KMT5A: variants seen among roughly 807,000 people sequenced by gnomAD.
The protein encoded by KMT5A is N-lysine methyltransferase KMT5A.
In KMT5A, 6 loss-of-function variants were observed where a neutral mutation model predicts 40.6. The ratio of observed to expected loss-of-function variants is 0.15; its 90% CI spans 0.08 to 0.29. The LOEUF (loss-of-function observed/expected upper bound fraction) is 0.29, where lower values mean the gene tolerates loss of function less well. KMT5A is among the 10% of genes least tolerant of loss of function. KMT5A has a pLI of 1.00. For synonymous variants in KMT5A, 153 were observed against 178.8 expected, an observed-to-expected ratio of 0.86 and a Z score of 1.15; for missense variants, 308 against 459.1, an observed-to-expected ratio of 0.67 and a Z score of 3.01.
Position 123,384,236 on chromosome 12 carries a change from G to A in KMT5A, c.10+28G>A, listed in dbSNP as rs1404598972. 1.2e-6 allele frequency: 2 copies of A among 1,612,406 alleles called. No individual in the cohort carries two copies. Among genetic ancestry groups the A allele is most frequent in the South Asian group, 1.1e-5 (1 of 90,944 alleles). On this transcript the variant is annotated intron_variant, in intron 1 of 7. Coordinates refer to ENST00000402868, the MANE Select transcript of KMT5A (RefSeq NM_020382.7). The surrounding 1 kb of genome is among the most constrained non-coding windows in gnomAD (Gnocchi z 5.7). ...ATTTGCCCAAGTGGCCGGCACCGGA[G>A]CGGCTGGGTCGGGGGTCGTGCTGGA...
intron 5 of KMT5A, among the ~76,000 whole-genome samples, chr12:123,397,860 A>T (rs1242457190): frequency 2.0e-5 from 3 of 149,700 alleles, no homozygotes; most frequent in Non-Finnish European, 4.4e-5. Context: ...TTTAGTGGAG[A>T]TTGGATTTGT....
At chr12:123,390,057 G>T in intron 2 of KMT5A, 1 of 468,376 alleles carries the variant, frequency 2.1e-6, no homozygotes. Context: ...TGCGCTGGCT[G>T]TGGCTCCTGC....
chr12:123,386,065 A>C (rs1876855740), intron 1 of KMT5A, among the ~76,000 whole-genome samples: 1 of 152,094 alleles, frequency 6.6e-6, no homozygotes, highest in East Asian at 1.9e-4. Flanking sequence ...AATGTTTGTC[A>C]GCTCCTCCCA....
chr12:123,407,725 C>T lies in KMT5A; in HGVS notation c.*22C>T. 12 of 1,589,302 alleles carry T rather than the reference C, an allele frequency of 7.6e-6. No individual in the cohort carries two copies. Among genetic ancestry groups the T allele is most frequent in the Non-Finnish European group, 1.0e-5 (12 of 1,164,690 alleles). ...TTAACCGGTGGGCCCCGTGCCCTCC[C>T]CGCCCCACTTTCCCTTCTTCAAAGG... On this transcript the variant is annotated 3_prime_UTR_variant, in exon 8 of 8. Coordinates refer to ENST00000402868, the MANE Select transcript of KMT5A (RefSeq NM_020382.7).
intron 1 of KMT5A, among the ~76,000 whole-genome samples, chr12:123,387,485 G>T (rs1479896936): frequency 1.3e-5 from 2 of 152,174 alleles, no homozygotes. Context: ...CTTTCAAATG[G>T]CTCAACCTGG....
intron 3 of KMT5A, 57 bp downstream of exon 3, chr12:123,390,843 TGTCC>T: frequency 6.3e-7 from 1 of 1,575,648 alleles, no homozygotes; most frequent in Non-Finnish European, 8.7e-7. Flanking sequence ...CAGAAGCCTC[TGTCC>T]TCTGCAAGAA....
intron 3 of KMT5A, chr12:123,391,030 A>G (rs1011135641): frequency 4.2e-6 from 2 of 478,094 alleles, no homozygotes; most frequent in Non-Finnish European, 7.5e-6. Context: ...TGTCTTGCTT[A>G]GTTGCAAAAA....
Position 123,395,283 on chromosome 12 carries a change from G to T in KMT5A, c.509+17G>T. ...CCGAAAAAAGTAAGTGCCCCATTCAGTCCTCTTCCTAACGTGGAGCAGTTT... is the reference window on the plus strand; with the variant it reads ...CCGAAAAAAGTAAGTGCCCCATTCATTCCTCTTCCTAACGTGGAGCAGTTT... On this transcript the variant is annotated intron_variant, in intron 4 of 7. Coordinates refer to ENST00000402868, the MANE Select transcript of KMT5A (RefSeq NM_020382.7). The T allele has an allele frequency of 1.9e-6, 3 of 1,609,042 alleles. No homozygotes were observed. Among genetic ancestry groups the T allele is most frequent in the Non-Finnish European group, 2.5e-6 (3 of 1,177,800 alleles).
chr12:123,390,818 C>T, intron 3 of KMT5A, 32 bp downstream of exon 3: 2 of 1,608,568 alleles, frequency 1.2e-6, no homozygotes, highest in Non-Finnish European at 1.7e-6. Context: ...GTTCTGATCC[C>T]AGCTGGTCGG....
chr12:123,394,238 G>A (rs1467645881), intron 3 of KMT5A, among the ~76,000 whole-genome samples: 1 of 151,326 alleles, frequency 6.6e-6, no homozygotes, highest in Non-Finnish European at 1.5e-5. Flanking sequence ...TGAGTAGCTG[G>A]GATTACAAGT....
rs1281967430 is a variant in KMT5A, at chr12:123,394,184, AC to A, written c.290-861del. On this transcript the variant is annotated intron_variant, in intron 3 of 7. Transcript: ENST00000402868. Reference sequence around the variant, plus strand: ...AATGGCATGATCTTAGCTCACTGCAACCTCCGCCTCCCAGGTTCAAGCAGTT... The same window carrying A: ...AATGGCATGATCTTAGCTCACTGCAACTCCGCCTCCCAGGTTCAAGCAGTT... Among the ~76,000 whole-genome samples, 60 of 145,378 alleles carry A rather than the reference AC, an allele frequency of 4.1e-4. 1 individual carries two copies. Among genetic ancestry groups the A allele is most frequent in the Admixed American group, 1.9e-3 (28 of 14,442 alleles).
At chr12:123,398,402 C>T (rs1877901625) in intron 5 of KMT5A, among the ~76,000 whole-genome samples, 1 of 152,152 alleles carries the variant, frequency 6.6e-6, no homozygotes, top group African/African-American at 2.4e-5. Context: ...GCTGAGCGTC[C>T]ACCAAGGGCT....
At chr12:123,396,130 G>A (rs1041834207) in intron 4 of KMT5A, among the ~76,000 whole-genome samples, 6 of 152,170 alleles carry the variant, frequency 3.9e-5, no homozygotes, top group African/African-American at 1.4e-4. Context: ...ACAGGCATGA[G>A]GCACTGCGCC....
chr12:123,394,933 C>A, intron 3 of KMT5A, 114 bp from the exon 4 acceptor site: 1 of 996,174 alleles, frequency 1.0e-6, no homozygotes. Flanking sequence ...GGCACTCCTG[C>A]CTGACAAACC....
intron 7 of KMT5A, among the ~76,000 whole-genome samples, chr12:123,405,466 C>T (rs969196687): frequency 3.0e-5 from 4 of 134,392 alleles, no homozygotes; most frequent in Admixed American, 2.2e-4. Context: ...CCACTGCGCT[C>T]GGGCTGTTGT....
chr12:123,401,642 T>C (rs1416005014), intron 5 of KMT5A, among the ~76,000 whole-genome samples: 2 of 150,648 alleles, frequency 1.3e-5, no homozygotes, highest in East Asian at 4.0e-4. Flanking sequence ...AGTGCAGTGG[T>C]GCGATCTTGG....
Position 123,407,485 on chromosome 12 carries a change from C to T in KMT5A, c.849-8C>T, listed in dbSNP as rs1878640232. The T allele has an allele frequency of 6.2e-7, 1 of 1,613,758 alleles. No individual in the cohort carries two copies. The highest frequency in any genetic ancestry group is 1.7e-5 in the Admixed American group (1 of 59,964). On this transcript the variant is annotated splice_polypyrimidine_tract_variant and splice_region_variant and intron_variant, in intron 7 of 7. Coordinates refer to ENST00000402868, the MANE Select transcript of KMT5A (RefSeq NM_020382.7). Reference sequence around the variant, plus strand: ...ATTTAATCCTCTCTGGCCCTCCTTCCCCTCCAGCGTGGATGCAACTAGAGA... The same window carrying T: ...ATTTAATCCTCTCTGGCCCTCCTTCTCCTCCAGCGTGGATGCAACTAGAGA...
chr12:123,402,386 C>T (rs1422080680), intron 5 of KMT5A, among the ~76,000 whole-genome samples: 1 of 152,184 alleles, frequency 6.6e-6, no homozygotes, highest in Non-Finnish European at 1.5e-5. Context: ...ACCATTGTTC[C>T]CAGCACAGAC....
intron 5 of KMT5A, 58 bp downstream of exon 5, chr12:123,396,490 G>A: frequency 1.3e-6 from 2 of 1,517,278 alleles, no homozygotes; most frequent in Non-Finnish European, 1.8e-6. Flanking sequence ...ACCAAGCAGT[G>A]CTTGGCGTGT....
Sources: allele counts gnomAD v4.1 joint callset (sites outside exome capture counted in the v4.1 genomes callset), GRCh38; gene constraint gnomAD v4.1.1; non-coding constraint Gnocchi (gnomAD v3.1); transcripts MANE v1.5; gene names NCBI Gene and HGNC (gene_info 2026-07-23, HGNC 2026-07-21).